TRPC6: variants seen among roughly 807,000 people sequenced by gnomAD.
TRPC6 encodes the protein short transient receptor potential channel 6.
Under a neutral mutation model 90.7 loss-of-function variants are expected in TRPC6, and 55 were observed. The ratio of observed to expected loss-of-function variants is 0.61; its 90% CI spans 0.49 to 0.76. TRPC6 has a LOEUF of 0.76. Among genes scored for constraint, TRPC6 ranks in the 30% least tolerant of loss-of-function variants. The probability of loss-of-function intolerance (pLI) is 0.00; values close to 1 mark genes in which losing one functional copy is unlikely to be tolerated. For synonymous variants in TRPC6, 393 were observed against 393.0 expected, an observed-to-expected ratio of 1.00 and a Z score of 0.00; for missense variants, 989 against 1,122.7, an observed-to-expected ratio of 0.88 and a Z score of 1.70.
At chr11:101,505,558 T>C (rs1860241733) in intron 1 of TRPC6, among the ~76,000 whole-genome samples, 1 of 152,140 alleles carries the variant, frequency 6.6e-6, no homozygotes, top group African/African-American at 2.4e-5. Flanking sequence ...AGTATAGGTT[T>C]CATTAATATG....
chr11:101,561,958 C>T (rs1232042044), intron 1 of TRPC6, among the ~76,000 whole-genome samples: 2 of 151,880 alleles, frequency 1.3e-5, no homozygotes, highest in Non-Finnish European at 2.9e-5. Flanking sequence ...GAGTTTGGTT[C>T]TTTAGTTCTG....
At chr11:101,537,487 A>T (rs563194917) in intron 1 of TRPC6, among the ~76,000 whole-genome samples, 1 of 152,246 alleles carries the variant, frequency 6.6e-6, no homozygotes, top group East Asian at 1.9e-4. Flanking sequence ...ACTTGTCTGA[A>T]TTCTATAAGT....
intron 2 of TRPC6, among the ~76,000 whole-genome samples, chr11:101,495,627 TATTATTATC>T (rs1267615558): frequency 1.5e-5 from 2 of 136,890 alleles, no homozygotes; most frequent in Non-Finnish European, 3.2e-5. Context: ...TTATTATTAT[TATTATTATC>T]ATTGTTTTCA....
intron 5 of TRPC6, among the ~76,000 whole-genome samples, chr11:101,480,838 G>A (rs1347928635): frequency 1.3e-5 from 2 of 152,130 alleles, no homozygotes; most frequent in East Asian, 1.9e-4. Context: ...CCATGCACAA[G>A]TGATTGTTTA....
At chr11:101,555,796 T>C (rs899495134) in intron 1 of TRPC6, among the ~76,000 whole-genome samples, 3 of 152,144 alleles carry the variant, frequency 2.0e-5, no homozygotes, top group Non-Finnish European at 4.4e-5. Context: ...ATAAAATTTA[T>C]TTACAAAACT....
chr11:101,509,638 T>C lies in TRPC6; in HGVS notation c.171-4840A>G, dbSNP rs1196491475. ...CTTGGCAAGCCACTAATCATAATGA[T>C]GTATCTTATTTCCTTCTAAATTACT... On this transcript the variant is annotated intron_variant, in intron 1 of 12. Transcript: ENST00000344327. Among the ~76,000 whole-genome samples the C allele has an allele frequency of 3.9e-5, 6 of 152,270 alleles. No homozygotes were observed. In the East Asian group the frequency reaches 7.7e-4, roughly 20 times the overall value.
chr11:101,566,412 CTCT>C (rs1165585147), intron 1 of TRPC6, among the ~76,000 whole-genome samples: 1 of 151,966 alleles, frequency 6.6e-6, no homozygotes, highest in Non-Finnish European at 1.5e-5. Context: ...TACCCCTTTC[CTCT>C]TGTTATTAAA....
intron 10 of TRPC6, among the ~76,000 whole-genome samples, chr11:101,465,948 A>C (rs1311105611): frequency 6.6e-6 from 1 of 151,984 alleles, no homozygotes; most frequent in Admixed American, 6.5e-5. Flanking sequence ...GGATTTATCT[A>C]CCTTTCGTCT....
chr11:101,467,043 C>G (rs1032582389), intron 10 of TRPC6, among the ~76,000 whole-genome samples: 1 of 152,180 alleles, frequency 6.6e-6, no homozygotes, highest in African/African-American at 2.4e-5. Flanking sequence ...CACCCACTGT[C>G]CAGCCAGTCC....
chr11:101,478,650 T>C (rs987254680), intron 5 of TRPC6, among the ~76,000 whole-genome samples: 6 of 152,098 alleles, frequency 3.9e-5, no homozygotes, highest in Admixed American at 3.9e-4. Flanking sequence ...CAAGGAGAGT[T>C]TGAAATCCCG....
chr11:101,475,725 C>A (rs1003297700), intron 6 of TRPC6, among the ~76,000 whole-genome samples: 1 of 151,996 alleles, frequency 6.6e-6, no homozygotes, highest in Non-Finnish European at 1.5e-5. Flanking sequence ...AGATCATATA[C>A]CATTTGTCTT....
intron 1 of TRPC6, among the ~76,000 whole-genome samples, chr11:101,528,876 G>A (rs1490993997): frequency 1.3e-5 from 2 of 151,940 alleles, no homozygotes; most frequent in East Asian, 1.9e-4. Flanking sequence ...AAATACTACA[G>A]GCCAATCGGC....
chr11:101,549,776 A>G (rs1861411001), intron 1 of TRPC6, among the ~76,000 whole-genome samples: 1 of 151,458 alleles, frequency 6.6e-6, no homozygotes. Context: ...AGAAAGAACT[A>G]TTATGGCCCT....
intron 9 of TRPC6, among the ~76,000 whole-genome samples, chr11:101,470,217 T>C (rs544528880): frequency 6.6e-6 from 1 of 152,210 alleles, no homozygotes; most frequent in Non-Finnish European, 1.5e-5. Flanking sequence ...TTGGGCAGAT[T>C]TTCTTATTAA....
At position 101,473,627 on chromosome 11, in the gene TRPC6, C is replaced by T. The variant is rs200087630; in HGVS notation, c.1891G>A (p.Val631Ile). ...ACCATGAACTTGAAGATGTCTTTGA[C>T]TGTTCTTCCAAGTGATATCTGCAGA... is the stretch of plus-strand genomic sequence containing the variant. ...GPLQISLGRT[V>I]KDIFKFMVIF... The change falls in exon 7 of 13, where the codon GTC (valine) becomes ATC (isoleucine). Residue 631 changes from valine (V) to isoleucine (I), a missense_variant. This residue lies in a region of TRPC6 where 118 missense variants were observed against 197.6 expected (regional missense o/e 0.60). Transcript: ENST00000344327. The T allele has an allele frequency of 1.2e-5, 20 of 1,613,794 alleles. No individual in the cohort carries two copies. The highest frequency in any genetic ancestry group is 1.6e-5 in the Non-Finnish European group (19 of 1,179,806).
intron 2 of TRPC6, among the ~76,000 whole-genome samples, chr11:101,501,014 G>A (rs11224800): frequency 0.47 from 71,012 of 151,450 alleles, 17,110 homozygotes; most frequent in African/African-American, 0.58. Flanking sequence ...CAAAAAATAG[G>A]TATCAATTTT....
chr11:101,563,844 CA>C (rs1861769770), intron 1 of TRPC6, among the ~76,000 whole-genome samples: 1 of 152,216 alleles, frequency 6.6e-6, no homozygotes, highest in South Asian at 2.1e-4. Flanking sequence ...ACCCAAGAAT[CA>C]TCCAGCTAGT....
intron 1 of TRPC6, among the ~76,000 whole-genome samples, chr11:101,570,953 C>T (rs555697917): frequency 6.9e-6 from 1 of 144,458 alleles, no homozygotes; most frequent in African/African-American, 2.5e-5. Context: ...CCTTTGAAAG[C>T]TGGCACAAGA....
At chr11:101,500,270 G>A (rs1197316533) in intron 2 of TRPC6, among the ~76,000 whole-genome samples, 6 of 148,780 alleles carry the variant, frequency 4.0e-5, no homozygotes, top group East Asian at 2.0e-4. Context: ...GTGCGGTGGC[G>A]CAATCTCAGT....
Sources: allele counts gnomAD v4.1 joint callset (sites outside exome capture counted in the v4.1 genomes callset), GRCh38; gene constraint gnomAD v4.1.1; regional missense constraint gnomAD v4.1.1; transcripts MANE v1.5; gene names NCBI Gene and HGNC (gene_info 2026-07-23, HGNC 2026-07-21).